Variants in RIPOR2 observed in about 807,000 individuals in gnomAD.
RIPOR2 encodes RHO family interacting cell polarization regulator 2, also known as rho family-interacting cell polarization regulator 2.
A neutral mutation model predicts 114.5 loss-of-function variants in RIPOR2; 39 were observed. That is an observed-to-expected ratio of 0.34 (90% CI 0.26 to 0.44). The LOEUF is 0.44. Among genes scored for constraint, RIPOR2 ranks in the 20% least tolerant of loss-of-function variants. RIPOR2 has a pLI of 1.00. For missense variants in RIPOR2, 1,007 were observed against 1,255.1 expected (o/e 0.80, Z 2.99); for synonymous variants, 445 against 484.4 (o/e 0.92, Z 1.07).
At chr6:24,959,058 C>T (rs904734257) in intron 1 of RIPOR2, among the ~76,000 whole-genome samples, 8 of 151,352 alleles carry the variant, frequency 5.3e-5, no homozygotes, top group African/African-American at 1.7e-4. Context: ...TCAAGCCATC[C>T]TCCAGCTTTG....
chr6:24,853,940 A>T (rs1047682424), intron 8 of RIPOR2, among the ~76,000 whole-genome samples: 4 of 151,834 alleles, frequency 2.6e-5, no homozygotes, highest in African/African-American at 4.8e-5. Context: ...ACATAGTGAG[A>T]CCTCATCTCT....
At chr6:24,825,618 A>G (rs933938831) in intron 18 of RIPOR2, among the ~76,000 whole-genome samples, 190 bp from the exon 19 acceptor site, 1 of 152,238 alleles carries the variant, frequency 6.6e-6, no homozygotes, top group African/African-American at 2.4e-5. Context: ...AAATAACTAC[A>G]TTATAGTGAT....
chr6:25,026,042 G>T (rs1049943937), intron 1 of RIPOR2, among the ~76,000 whole-genome samples: 6 of 147,008 alleles, frequency 4.1e-5, no homozygotes, highest in Middle Eastern at 3.5e-3. Context: ...TACAAAGATT[G>T]TTGTTTTTTT....
chr6:24,990,191 G>A (rs1448041133), intron 1 of RIPOR2, among the ~76,000 whole-genome samples: 1 of 152,138 alleles, frequency 6.6e-6, no homozygotes, highest in East Asian at 1.9e-4. Context: ...GATGTTTGTA[G>A]TCATATTGTA....
chr6:25,000,041 T>TCTTTTTGCCACCTTTTGC (rs1775230125), intron 1 of RIPOR2, among the ~76,000 whole-genome samples: 1 of 152,184 alleles, frequency 6.6e-6, no homozygotes, highest in Non-Finnish European at 1.5e-5. Context: ...TTGCCACCCT[T>TCTTTTTGCCACCTTTTGC]CATCTTTTGC....
intron 10 of RIPOR2, 22 bp downstream of exon 10, chr6:24,850,575 A>G: frequency 6.2e-7 from 1 of 1,613,694 alleles, no homozygotes; most frequent in Non-Finnish European, 8.5e-7. Context: ...AGGAAAGACA[A>G]CAGGCAATGA....
At chr6:24,964,173 GTGTGTGTT>G (rs566620662) in intron 1 of RIPOR2, among the ~76,000 whole-genome samples, 80 of 151,994 alleles carry the variant, frequency 5.3e-4, no homozygotes, top group Middle Eastern at 3.4e-3. Context: ...GTGTGTGTGT[GTGTGTGTT>G]TCTTTGCCAT....
chr6:24,841,515 T>G (rs1761711294), intron 13 of RIPOR2, among the ~76,000 whole-genome samples: 1 of 152,070 alleles, frequency 6.6e-6, no homozygotes. Flanking sequence ...CCTACAGAGT[T>G]AGGTCAGCAA....
chr6:25,023,854 G>C (rs993692422), intron 1 of RIPOR2: 6 of 730,564 alleles, frequency 8.2e-6, no homozygotes, highest in Non-Finnish European at 1.3e-5. Flanking sequence ...GGCTTTGACC[G>C]GTTCCTAGGT....
intron 1 of RIPOR2, among the ~76,000 whole-genome samples, chr6:24,963,742 G>A (rs943578738): frequency 1.9e-5 from 1 of 51,520 alleles, no homozygotes; most frequent in African/African-American, 3.3e-5. Flanking sequence ...GTGCATGCAT[G>A]TGAATGTGTG....
chr6:24,831,163 A>C (rs1234241471), intron 16 of RIPOR2, among the ~76,000 whole-genome samples: 2 of 152,156 alleles, frequency 1.3e-5, no homozygotes, highest in East Asian at 3.8e-4. Flanking sequence ...GATGGCCCGA[A>C]GGGTAAAGAA....
intron 16 of RIPOR2, among the ~76,000 whole-genome samples, chr6:24,831,445 G>T (rs935273825): frequency 1.3e-5 from 2 of 152,138 alleles, no homozygotes; most frequent in Non-Finnish European, 1.5e-5. Flanking sequence ...TGAACAGCAT[G>T]GTACCAGGTG....
chr6:25,001,130 A>G (rs6456644), intron 1 of RIPOR2, among the ~76,000 whole-genome samples: 151,593 of 152,354 alleles, frequency 1, 75,421 homozygotes, highest in East Asian at 1. Context: ...ACATATACTC[A>G]TGTATCTATA....
chr6:24,832,456 C>T, intron 15 of RIPOR2, 65 bp from the exon 16 acceptor site: 2 of 1,400,462 alleles, frequency 1.4e-6, no homozygotes, highest in Non-Finnish European at 2.0e-6. Context: ...CTCTACCCAG[C>T]CTCATCCTTC....
chr6:24,916,015 T>C (rs1241168462), intron 1 of RIPOR2, among the ~76,000 whole-genome samples: 1 of 152,240 alleles, frequency 6.6e-6, no homozygotes, highest in Admixed American at 6.5e-5. Context: ...GGTTCTATTT[T>C]AGTGTTGCCA....
At chr6:24,931,076 T>C (rs1268876167) in intron 1 of RIPOR2, among the ~76,000 whole-genome samples, 1 of 152,258 alleles carries the variant, frequency 6.6e-6, no homozygotes, top group East Asian at 1.9e-4. Context: ...TTACTAGTTT[T>C]GTACATAATA....
chr6:25,009,290 T>C (rs901237446), intron 1 of RIPOR2, among the ~76,000 whole-genome samples: 3 of 152,240 alleles, frequency 2.0e-5, no homozygotes, highest in African/African-American at 7.2e-5. Flanking sequence ...TCTCTGCCTT[T>C]CAACCTTTAT....
At chr6:24,920,920 A>G (rs1246800514) in intron 1 of RIPOR2, among the ~76,000 whole-genome samples, 1 of 152,136 alleles carries the variant, frequency 6.6e-6, no homozygotes, top group Non-Finnish European at 1.5e-5. Context: ...AGGCCAGGTA[A>G]GGATCCCATG....
intron 1 of RIPOR2, among the ~76,000 whole-genome samples, chr6:24,902,686 ACTC>A (rs1412339473): frequency 1.3e-5 from 2 of 152,074 alleles, no homozygotes; most frequent in Non-Finnish European, 2.9e-5. Flanking sequence ...TTGAAACTAA[ACTC>A]CTTCTCAATG....
Sources: allele counts gnomAD v4.1 joint callset (sites outside exome capture counted in the v4.1 genomes callset), GRCh38; gene constraint gnomAD v4.1.1; transcripts MANE v1.5; gene names NCBI Gene and HGNC (gene_info 2026-07-23, HGNC 2026-07-21).